Variants in SGMS1 observed in about 807,000 individuals in gnomAD.
The protein encoded by SGMS1 is phosphatidylcholine:ceramide cholinephosphotransferase 1.
In SGMS1, 13 loss-of-function variants were observed where a neutral mutation model predicts 46.2. That is an observed-to-expected ratio of 0.28 (90% CI 0.18 to 0.45). The LOEUF is 0.45. SGMS1 is among the 20% of genes least tolerant of loss of function. The pLI is 1.00. For synonymous variants in SGMS1, 203 were observed against 187.8 expected (o/e 1.08, Z -0.66); for missense variants, 324 against 519.9 (o/e 0.62, Z 3.66).
chr10:50,343,382 T>C (rs1847852002), intron 7 of SGMS1, 110 bp downstream of exon 7: 3 of 1,228,540 alleles, frequency 2.4e-6, no homozygotes, highest in Non-Finnish European at 3.3e-6. Context: ...GAAAAAAAAA[T>C]AGTATGTTTT....
chr10:50,562,925 T>G lies in SGMS1; in HGVS notation c.-589+27228A>C, dbSNP rs924228013. ...TCTGCCTGTGATTCCAGGTGCACTC[T>G]CTGCAAAACAGACTTCCCTGCTCGA... On this transcript the variant is annotated intron_variant, in intron 2 of 10. Transcript: ENST00000361781. Among the ~76,000 whole-genome samples, 3 of 152,190 alleles carry G rather than the reference T, an allele frequency of 2.0e-5. No homozygotes were observed. The East Asian group carries it at 5.8e-4, about 29-fold the overall frequency.
At chr10:50,446,189 CT>C (rs895423523) in intron 5 of SGMS1, among the ~76,000 whole-genome samples, 3 of 152,124 alleles carry the variant, frequency 2.0e-5, no homozygotes, top group African/African-American at 7.2e-5. Flanking sequence ...CTCCATTTGC[CT>C]TGTGATATTT....
At chr10:50,430,542 T>C (rs1215951545) in intron 6 of SGMS1, among the ~76,000 whole-genome samples, 2 of 150,164 alleles carry the variant, frequency 1.3e-5, no homozygotes, top group Non-Finnish European at 3.0e-5. Context: ...AAATGCAAAA[T>C]AGTTTTTGCA....
chr10:50,344,794 C>T lies in SGMS1; in HGVS notation c.-231-449G>A, dbSNP rs1847889328. ...GGCTGAGGCAGGAGAATGGTGTGAA[C>T]CCGGGAGGCGGAGCTTGCAGTGAGC... On this transcript the variant is annotated intron_variant, in intron 6 of 10. Transcript: ENST00000361781. 3.3e-5 allele frequency among the ~76,000 whole-genome samples: 5 copies of T among 152,032 alleles called. No individual in the cohort carries two copies. The South Asian group carries it at 8.3e-4, about 25-fold the overall frequency.
Position 50,605,896 on chromosome 10 carries a change from C to T in SGMS1, c.-683-15649G>A, listed in dbSNP as rs559092449. ...AACCAATTTCTCCTCATCCTCCCCA[C>T]TTCAACCCCTTCACCCTTCTGAGTC... On this transcript the variant is annotated intron_variant, in intron 1 of 10. Transcript: ENST00000361781. Among the ~76,000 whole-genome samples the T allele has an allele frequency of 3.3e-5, 5 of 152,326 alleles. No individual in the cohort carries two copies. The East Asian group carries it at 9.6e-4, about 29-fold the overall frequency.
At chr10:50,363,296 G>A (rs80032434) in intron 6 of SGMS1, among the ~76,000 whole-genome samples, 2,266 of 152,258 alleles carry the variant, frequency 0.015, 55 homozygotes, top group African/African-American at 0.051. Flanking sequence ...CAGTGGTGAC[G>A]GATCTGGCAG....
At chr10:50,560,326 T>C (rs1564432164) in intron 2 of SGMS1, among the ~76,000 whole-genome samples, 3 of 138,456 alleles carry the variant, frequency 2.2e-5, no homozygotes, top group African/African-American at 5.3e-5. Context: ...ATTAATATTA[T>C]ATATTATTAA....
intron 2 of SGMS1, among the ~76,000 whole-genome samples, chr10:50,546,750 A>G (rs1588873003): frequency 6.6e-6 from 1 of 152,258 alleles, no homozygotes; most frequent in East Asian, 1.9e-4. Context: ...GAGGGATAGC[A>G]TTAGGAGATA....
intron 3 of SGMS1, among the ~76,000 whole-genome samples, chr10:50,468,704 T>C (rs1476406783): frequency 6.6e-6 from 1 of 152,208 alleles, no homozygotes; most frequent in Non-Finnish European, 1.5e-5. Flanking sequence ...TGCATGAATA[T>C]TTAATTTCTA....
intron 2 of SGMS1, among the ~76,000 whole-genome samples, chr10:50,532,486 G>A (rs1245835685): frequency 6.6e-6 from 1 of 152,022 alleles, no homozygotes; most frequent in Non-Finnish European, 1.5e-5. Flanking sequence ...TAGAAGTTTG[G>A]TGGTGTTTTT....
At chr10:50,624,862 C>A, upstream of SGMS1, 1 of 994,782 alleles carries the variant, frequency 1.0e-6, no homozygotes, top group Non-Finnish European at 1.2e-6. Context: ...GCCGTGCCTC[C>A]CGCGGGGTCG....
chr10:50,534,401 G>A (rs115826046), intron 2 of SGMS1, among the ~76,000 whole-genome samples: 1,766 of 152,212 alleles, frequency 0.012, 32 homozygotes, highest in African/African-American at 0.041. Context: ...TTGAACCAAC[G>A]CAATATTTTG....
At chr10:50,328,220 A>AT (rs1306470609) in intron 7 of SGMS1, 2 of 235,450 alleles carry the variant, frequency 8.5e-6, no homozygotes, top group Non-Finnish European at 1.7e-5. Flanking sequence ...AGTCTGGTGT[A>AT]TTTTTGAACA....
chr10:50,617,629 T>C (rs754837256), intron 1 of SGMS1, among the ~76,000 whole-genome samples: 1 of 152,222 alleles, frequency 6.6e-6, no homozygotes, highest in South Asian at 2.1e-4. Flanking sequence ...TCACCCAGGA[T>C]GGAGTGCAGT....
chr10:50,609,272 T>G (rs960613770), intron 1 of SGMS1, among the ~76,000 whole-genome samples: 2 of 151,968 alleles, frequency 1.3e-5, no homozygotes, highest in Admixed American at 1.3e-4. Context: ...TGCCTGGGGG[T>G]ATTTTTTTTA....
intron 6 of SGMS1, among the ~76,000 whole-genome samples, chr10:50,400,432 T>C (rs1171638903): frequency 5.3e-5 from 2 of 37,848 alleles, no homozygotes; most frequent in African/African-American, 1.9e-4. Context: ...TATATATATA[T>C]ATATATATAT....
chr10:50,456,277 T>TCCTCCTTATTGTCAATAAGGAGGA (rs1409296393), intron 5 of SGMS1, among the ~76,000 whole-genome samples: 14 of 151,726 alleles, frequency 9.2e-5, no homozygotes, highest in African/African-American at 3.4e-4. Flanking sequence ...AATAAGGAGG[T>TCCTCCTTATTGTCAATAAGGAGGA]CCTCCTTATT....
At chr10:50,481,432 T>C (rs3011795) in intron 3 of SGMS1, among the ~76,000 whole-genome samples, 130,567 of 152,170 alleles carry the variant, frequency 0.86, 56,272 homozygotes, top group East Asian at 1. Context: ...TAGCAAACCA[T>C]AGCAGGCCTA....
intron 7 of SGMS1, among the ~76,000 whole-genome samples, chr10:50,329,199 AACTTG>A (rs1382248488): frequency 2.0e-5 from 3 of 152,210 alleles, no homozygotes; most frequent in Non-Finnish European, 2.9e-5. Context: ...CCATATTTCA[AACTTG>A]ACTTACATGT....
Sources: gnomAD v4.1 joint callset for allele counts (sites outside exome capture counted in the v4.1 genomes callset) on GRCh38, gnomAD v4.1.1 for gene constraint, MANE v1.5 for transcripts, NCBI Gene and HGNC (gene_info 2026-07-23, HGNC 2026-07-21) for gene names.